Variants in TCEA1 observed in about 807,000 individuals in gnomAD.
The protein encoded by TCEA1 is transcription elongation factor A protein 1.
TCEA1 carries 21 observed loss-of-function variants against 43.8 expected under a neutral mutation model. The observed-to-expected ratio is 0.48, with a 90% CI of 0.34 to 0.69. The LOEUF (loss-of-function observed/expected upper bound fraction) is 0.69, where lower values mean the gene tolerates loss of function less well. Among genes scored for constraint, TCEA1 ranks in the 30% least tolerant of loss-of-function variants. TCEA1 has a pLI of 0.01. For synonymous variants in TCEA1, 104 were observed against 117.5 expected, an observed-to-expected ratio of 0.88 and a Z score of 0.75; for missense variants, 250 against 365.1, an observed-to-expected ratio of 0.68 and a Z score of 2.57.
In TCEA1 at chr8:53,993,697, C is replaced by T. The variant is rs748158928; in HGVS notation, c.291G>A (p.Ser97=). 44 of 1,613,640 alleles carry T rather than the reference C, an allele frequency of 2.7e-5. No individual in the cohort carries two copies. In the South Asian group the frequency reaches 4.0e-4, roughly 15 times the overall value. Residue 97 remains serine, a synonymous_variant, in exon 4 of 10, where the codon TCG becomes TCA. Coordinates refer to ENST00000521604, the MANE Select transcript of TCEA1 (RefSeq NM_006756.4). ...DEKKKEPAIT[S]QNSPEAREES... ...CTTCTCTTGCCTCAGGGCTGTTCTG[C>T]GATGTAATTGCAGGTTCTTTCTTCT...
At chr8:54,017,704 T>G (rs563593334) in intron 1 of TCEA1, among the ~76,000 whole-genome samples, 1 of 152,146 alleles carries the variant, frequency 6.6e-6, no homozygotes, top group Non-Finnish European at 1.5e-5. Flanking sequence ...GTGAATCACT[T>G]GAGGTCAGGA....
intron 8 of TCEA1, chr8:53,973,869 AC>A (rs1398236908): frequency 8.8e-6 from 3 of 342,062 alleles, no homozygotes; most frequent in Non-Finnish European, 1.7e-5. Context: ...ACAAGAACTT[AC>A]TCAGGCAATA....
intron 2 of TCEA1, among the ~76,000 whole-genome samples, chr8:54,006,399 A>C (rs983289640): frequency 6.6e-6 from 1 of 152,154 alleles, no homozygotes; most frequent in Non-Finnish European, 1.5e-5. Flanking sequence ...GAATCGCTTG[A>C]ACCCGGGAGG....
chr8:54,000,177 A>G, intron 2 of TCEA1, 127 bp from the exon 3 acceptor site: 1 of 600,064 alleles, frequency 1.7e-6, no homozygotes, highest in Non-Finnish European at 2.9e-6. Context: ...CAATTTTTGG[A>G]TCCTTATAAT....
intron 8 of TCEA1, among the ~76,000 whole-genome samples, chr8:53,974,538 TGGGGGG>T (rs1207130623): frequency 1.6e-4 from 1 of 6,336 alleles, no homozygotes; most frequent in Admixed American, 1.5e-3. Flanking sequence ...GGGGTGGGGG[TGGGGGG>T]GGGACGGAGT....
At chr8:54,021,845 G>A (rs982206994) in intron 1 of TCEA1, 11 of 404,448 alleles carry the variant, frequency 2.7e-5, no homozygotes, top group African/African-American at 1.1e-4. Flanking sequence ...CAGCGAGCAG[G>A]GACTGGAAAT....
At chr8:54,017,560 A>G (rs1804874020) in intron 1 of TCEA1, among the ~76,000 whole-genome samples, 1 of 152,160 alleles carries the variant, frequency 6.6e-6, no homozygotes, top group South Asian at 2.1e-4. Flanking sequence ...CAAGGCAGGC[A>G]GATCACTTGA....
rs182998720 is a variant in TCEA1, at chr8:53,978,847, G to A, written c.825+178C>T. The A allele has an allele frequency of 5.0e-4, 277 of 555,442 alleles. 1 individual carries two copies. Among genetic ancestry groups the A allele is most frequent in the Non-Finnish European group, 1.9e-4 (63 of 330,318 alleles). The allele number at this position is 555,442 out of a possible 1,614,324, so 34.4% of individuals were successfully genotyped here. A position where few individuals can be genotyped will look rare whatever the true frequency, so the allele number is the denominator to read the frequency against. On this transcript the variant is annotated intron_variant, in intron 8 of 9. Coordinates refer to ENST00000521604, the MANE Select transcript of TCEA1 (RefSeq NM_006756.4). ...AGTACATATGTATCGGAAAAAACGTGGTATACATAGGGTTAGGTACTATCC... is the reference window on the plus strand; with the variant it reads ...AGTACATATGTATCGGAAAAAACGTAGTATACATAGGGTTAGGTACTATCC...
intron 2 of TCEA1, among the ~76,000 whole-genome samples, chr8:54,003,748 G>C (rs1435220414): frequency 6.6e-6 from 1 of 151,870 alleles, no homozygotes; most frequent in South Asian, 2.1e-4. Context: ...ATGGTTTCTT[G>C]GATATGACAC....
chr8:53,993,810 AAT>A (rs1158744059), intron 3 of TCEA1, 55 bp from the exon 4 acceptor site: 1 of 1,404,942 alleles, frequency 7.1e-7, no homozygotes, highest in Admixed American at 1.8e-5. Context: ...TAAAAACTAA[AAT>A]ACTGCGTTAA....
chr8:54,003,936 A>T (rs930867349), intron 2 of TCEA1, among the ~76,000 whole-genome samples: 1 of 151,896 alleles, frequency 6.6e-6, no homozygotes, highest in African/African-American at 2.4e-5. Context: ...TTACAACTCG[A>T]TTAAAAAAAA....
chr8:54,005,273 G>A (rs1232082188), intron 2 of TCEA1, among the ~76,000 whole-genome samples: 1 of 152,084 alleles, frequency 6.6e-6, no homozygotes, highest in African/African-American at 2.4e-5. Flanking sequence ...ATGAAATTTA[G>A]AATTCCGTTC....
chr8:53,972,979 G>A (rs1184319160), intron 8 of TCEA1: 3 of 666,130 alleles, frequency 4.5e-6, no homozygotes, highest in East Asian at 2.9e-5. Flanking sequence ...AACATCAATG[G>A]TGGAAATCAC....
In TCEA1 at chr8:54,022,349, C is replaced by T; in HGVS notation, c.-224G>A. ...AGCGACAATCGAACACCGCGCGCGACGTGCAGGCGCTACCAACTGACTGCA... is the reference window on the plus strand; with the variant it reads ...AGCGACAATCGAACACCGCGCGCGATGTGCAGGCGCTACCAACTGACTGCA... On this transcript the variant is annotated 5_prime_UTR_variant, in exon 1 of 10. Transcript: ENST00000521604. The T allele has an allele frequency of 5.2e-6, 3 of 581,900 alleles. No homozygotes were observed. Among genetic ancestry groups the T allele is most frequent in the South Asian group, 4.0e-5 (2 of 49,800 alleles). The allele number at this position is 581,900 out of a possible 1,614,324, so 36.0% of individuals were successfully genotyped here.
At position 53,984,301 on chromosome 8, in the gene TCEA1, T is replaced by C. The variant is rs1002997666; in HGVS notation, c.678+62A>G. 3.6e-5 allele frequency: 53 copies of C among 1,456,044 alleles called. No homozygotes were observed. The Middle Eastern group carries it at 7.6e-4, about 21-fold the overall frequency. 90.2% of individuals were successfully genotyped at this position (1,456,044 alleles called of 1,614,324 possible). A position where few individuals can be genotyped will look rare whatever the true frequency, so the allele number is the denominator to read the frequency against. ...TTTATATAGTAGTCTATGATGATAA[T>C]AGGCTTTACACTTCACAACACAGAA... On this transcript the variant is annotated intron_variant, in intron 7 of 9. Transcript: ENST00000521604.
At chr8:54,005,879 G>A (rs73681806) in intron 2 of TCEA1, among the ~76,000 whole-genome samples, 19,197 of 152,050 alleles carry the variant, frequency 0.13, 3,200 homozygotes, top group African/African-American at 0.39. Flanking sequence ...GAAGCCCTGC[G>A]TGCCACACCA....
chr8:54,019,340 C>T (rs1261704896), intron 1 of TCEA1, among the ~76,000 whole-genome samples: 1 of 152,024 alleles, frequency 6.6e-6, no homozygotes, highest in Non-Finnish European at 1.5e-5. Flanking sequence ...GAGGCCAGGA[C>T]GGGCAGATCA....
intron 7 of TCEA1, among the ~76,000 whole-genome samples, chr8:53,981,640 T>C (rs960872880): frequency 6.6e-6 from 1 of 152,234 alleles, no homozygotes; most frequent in African/African-American, 2.4e-5. Context: ...TAGTCATCAA[T>C]ATGCCTAGTC....
At position 53,984,406 on chromosome 8, in the gene TCEA1, C is replaced by T; in HGVS notation, c.635G>A (p.Cys212Tyr). The T allele has an allele frequency of 6.2e-7, 1 of 1,606,474 alleles. No homozygotes were observed. Among genetic ancestry groups the T allele is most frequent in the African/African-American group, 1.3e-5 (1 of 74,776 alleles). The change falls in exon 7 of 10, where the codon TGT becomes TAT. Residue 212 changes from cysteine (C) to tyrosine (Y), a missense_variant. Physicochemically the swap from Cys to Tyr is radical, Grantham distance 194. Around this residue, in one of 4 missense-constraint regions of TCEA1, gnomAD observed 147 missense variants for 160.3 expected, o/e 0.92. Transcript: ENST00000521604. ...KNPNLRKNVL[C>Y]GNIPPDLFAR... ...AAATAAGTCAGGAGGAATATTCCCA[C>T]AGAGGACATTTTTCCTTAAATTTGG...
Sources: gnomAD v4.1 joint callset for allele counts (sites outside exome capture counted in the v4.1 genomes callset) on GRCh38, gnomAD v4.1.1 for gene constraint, gnomAD v4.1.1 regional missense constraint, MANE v1.5 for transcripts, NCBI Gene and HGNC (gene_info 2026-07-23, HGNC 2026-07-21) for gene names.